Variants in RBM20 observed in about 807,000 individuals in gnomAD.
RBM20 encodes the protein RNA-binding protein 20.
Under a neutral mutation model 110.1 loss-of-function variants are expected in RBM20, and 51 were observed. The observed-to-expected ratio is 0.46, with a 90% CI of 0.37 to 0.59. The LOEUF (loss-of-function observed/expected upper bound fraction) is 0.59. RBM20 is among the 20% of genes least tolerant of loss of function. The pLI is 0.00. For synonymous variants in RBM20, 589 were observed against 618.2 expected (o/e 0.95, Z 0.70); for missense variants, 1,512 against 1,574.9 (o/e 0.96, Z 0.68).
chr10:110,726,490 G>C (rs993923401), intron 1 of RBM20, among the ~76,000 whole-genome samples: 5 of 152,132 alleles, frequency 3.3e-5, no homozygotes, highest in African/African-American at 1.2e-4. Context: ...TGCATAGCTT[G>C]GTGATTAACC....
intron 1 of RBM20, among the ~76,000 whole-genome samples, chr10:110,711,010 G>A (rs1012770060): frequency 1.3e-5 from 2 of 151,990 alleles, no homozygotes; most frequent in African/African-American, 4.8e-5. Context: ...TTGGGAGGAG[G>A]CTCTTGTTAC....
intron 1 of RBM20, among the ~76,000 whole-genome samples, chr10:110,724,761 C>T (rs1186465604): frequency 1.3e-5 from 2 of 152,156 alleles, no homozygotes; most frequent in Non-Finnish European, 2.9e-5. Context: ...GAACAGTAGG[C>T]AAGGAAGGCA....
At chr10:110,777,895 A>T (rs951870475) in intron 1 of RBM20, among the ~76,000 whole-genome samples, 2 of 152,250 alleles carry the variant, frequency 1.3e-5, no homozygotes, top group Non-Finnish European at 2.9e-5. Flanking sequence ...AGGCTGTATG[A>T]TGGACAAACC....
At chr10:110,678,908 G>A (rs1862381053) in intron 1 of RBM20, among the ~76,000 whole-genome samples, 1 of 152,152 alleles carries the variant, frequency 6.6e-6, no homozygotes, top group East Asian at 1.9e-4. Context: ...ATTCAGGCCT[G>A]GAGCACAGAT....
intron 11 of RBM20, among the ~76,000 whole-genome samples, chr10:110,823,162 T>TACTG (rs1174586711): frequency 2.0e-5 from 3 of 151,962 alleles, no homozygotes; most frequent in Non-Finnish European, 4.4e-5. Flanking sequence ...GATGGAATGA[T>TACTG]ACTGAGATGG....
At chr10:110,784,274 C>A in intron 3 of RBM20, 67 bp from the exon 4 acceptor site, 1 of 1,215,132 alleles carries the variant, frequency 8.2e-7, no homozygotes, top group Non-Finnish European at 1.2e-6. Context: ...AGTGGAATTT[C>A]TGGGTCACAT....
Position 110,662,615 on chromosome 10 carries a change from A to G in RBM20, c.191+17970A>G, listed in dbSNP as rs1481236955. Among the ~76,000 whole-genome samples the G allele has an allele frequency of 1.6e-4, 24 of 152,264 alleles. 1 individual carries two copies. Among genetic ancestry groups the G allele is most frequent in the Admixed American group, 1.5e-3 (23 of 15,288 alleles). On this transcript the variant is annotated intron_variant, in intron 1 of 13. Transcript: ENST00000369519. ...TATGGAGAAGTTGGCAATATCTAGCAAAAGTACATGTGGGTTACCTTTTGA... is the reference window on the plus strand; with the variant it reads ...TATGGAGAAGTTGGCAATATCTAGCGAAAGTACATGTGGGTTACCTTTTGA...
chr10:110,644,934 G>C lies in RBM20; in HGVS notation c.191+289G>C, dbSNP rs1279967171. Among the ~76,000 whole-genome samples the C allele has an allele frequency of 6.6e-6, 1 of 152,140 alleles. No individual in the cohort carries two copies. Among genetic ancestry groups the C allele is most frequent in the African/African-American group, 2.4e-5 (1 of 41,430 alleles). ...TGAACTAAAATAGCTCAGATTGGGG[G>C]GAAATGGCCCAGCGACTGTATTTCA... On this transcript the variant is annotated intron_variant, in intron 1 of 13. Coordinates refer to ENST00000369519, the MANE Select transcript of RBM20 (RefSeq NM_001134363.3). This position sits in a 1 kb window ranked among gnomAD's most constrained non-coding sequence, Gnocchi z 4.3.
At chr10:110,746,495 C>A (rs1044632824) in intron 1 of RBM20, among the ~76,000 whole-genome samples, 3 of 152,154 alleles carry the variant, frequency 2.0e-5, no homozygotes, top group Non-Finnish European at 2.9e-5. Flanking sequence ...TGGTAAGACC[C>A]ACAAATGGAG....
intron 1 of RBM20, among the ~76,000 whole-genome samples, chr10:110,688,955 T>A (rs1025835089): frequency 1.3e-5 from 2 of 152,024 alleles, no homozygotes; most frequent in Admixed American, 6.6e-5. Flanking sequence ...TCCTTTACAG[T>A]TTTGAAGAAT....
rs1424989102 is a variant in RBM20, at chr10:110,781,700, T to C, written c.1091T>C (p.Phe364Ser). 2 of 1,550,646 alleles carry C rather than the reference T, an allele frequency of 1.3e-6. No individual in the cohort carries two copies. The highest frequency in any genetic ancestry group is 1.7e-6 in the Non-Finnish European group (2 of 1,146,110). Residue 364 changes from phenylalanine (F) to serine (S), a missense_variant, in exon 2 of 14, where the codon TTC (phenylalanine) becomes TCC (serine). Around this residue, in one of 3 missense-constraint regions of RBM20, gnomAD observed 1,149 missense variants for 1,169.4 expected, o/e 0.98. Coordinates refer to ENST00000369519, the MANE Select transcript of RBM20 (RefSeq NM_001134363.3). ...ACCTCAGACAGGACACCTCCTTCCT[T>C]CGGGGGTCGGCTTAACAACAGCAAA... ...EPTSDRTPPS[F>S]GGRLNNSKQG... is the part of the protein sequence containing the mutation.
intron 1 of RBM20, among the ~76,000 whole-genome samples, chr10:110,646,663 A>G (rs941278720): frequency 6.6e-6 from 1 of 152,260 alleles, no homozygotes; most frequent in Non-Finnish European, 1.5e-5. Context: ...CGCTGGAACC[A>G]GATATAATGT....
rs763099441 is a variant in RBM20 at position 110,821,711 on chromosome 10, G to A, written c.3092G>A (p.Gly1031Glu). Residue 1031 changes from glycine to glutamate, a missense_variant, in exon 11 of 14, where the codon GGA (glycine) becomes GAA (glutamate). Around this residue, in one of 3 missense-constraint regions of RBM20, gnomAD observed 358 missense variants for 384.2 expected, o/e 0.93. Coordinates refer to ENST00000369519, the MANE Select transcript of RBM20 (RefSeq NM_001134363.3). ...GATTGCTACGAGAAGGAGGCAAAGG[G>A]AGTGGAGAGCTCAGATGTTCATCCA... ...DSDCYEKEAK[G>E]VESSDVHPAP... 11 of 1,551,800 alleles carry A rather than the reference G, an allele frequency of 7.1e-6. No homozygotes were observed. The East Asian group carries it at 2.7e-4, about 38-fold the overall frequency.
intron 1 of RBM20, among the ~76,000 whole-genome samples, chr10:110,745,125 C>G (rs1839258289): frequency 6.6e-6 from 1 of 152,222 alleles, no homozygotes; most frequent in South Asian, 2.1e-4. Flanking sequence ...CCTGTTTCTC[C>G]TGGGCAAACC....
At position 110,655,390 on chromosome 10, in the gene RBM20, T is replaced by C. The variant is rs186644520; in HGVS notation, c.191+10745T>C. On this transcript the variant is annotated intron_variant, in intron 1 of 13. Coordinates refer to ENST00000369519, the MANE Select transcript of RBM20 (RefSeq NM_001134363.3). The stretch of plus-strand genomic sequence containing the variant: ...TCTGGCATTTGATTCACTGTCTTAC[T>C]CTGCTTGTTATGCATGTTAAACAAG... 3.2e-4 allele frequency among the ~76,000 whole-genome samples: 48 copies of C among 151,932 alleles called. 1 individual carries two copies. In the East Asian group the frequency reaches 4.1e-3, roughly 13 times the overall value.
chr10:110,777,472 G>C (rs367553202), intron 1 of RBM20, among the ~76,000 whole-genome samples: 17 of 152,310 alleles, frequency 1.1e-4, no homozygotes, highest in East Asian at 9.6e-4. Flanking sequence ...ATGAAAGCAG[G>C]TGCTCAGCTC....
At chr10:110,734,879 G>A (rs1204626145) in intron 1 of RBM20, among the ~76,000 whole-genome samples, 1 of 152,132 alleles carries the variant, frequency 6.6e-6, no homozygotes, top group Admixed American at 6.5e-5. Flanking sequence ...AATGGGAAAT[G>A]CCAGAAATAA....
At chr10:110,711,238 G>C (rs1862921838) in intron 1 of RBM20, among the ~76,000 whole-genome samples, 1 of 144,796 alleles carries the variant, frequency 6.9e-6, no homozygotes. Context: ...GCTGAGATAG[G>C]AGAATTGCTT....
At chr10:110,745,750 G>A (rs566463986) in intron 1 of RBM20, among the ~76,000 whole-genome samples, 45 of 152,242 alleles carry the variant, frequency 3.0e-4, no homozygotes, top group African/African-American at 8.9e-4. Context: ...GAATGAATGC[G>A]TGATAACATG....
Sources: allele counts gnomAD v4.1 joint callset (sites outside exome capture counted in the v4.1 genomes callset), GRCh38; gene constraint gnomAD v4.1.1; regional missense constraint gnomAD v4.1.1; non-coding constraint Gnocchi (gnomAD v3.1); transcripts MANE v1.5; gene names NCBI Gene and HGNC (gene_info 2026-07-23, HGNC 2026-07-21).